USP32: variants seen among roughly 807,000 people sequenced by gnomAD.
USP32 encodes ubiquitin specific peptidase 32.
A neutral mutation model predicts 204.8 loss-of-function variants in USP32; 59 were observed. That is an observed-to-expected ratio of 0.29 (90% CI 0.23 to 0.36). The LOEUF (loss-of-function observed/expected upper bound fraction) is 0.36. Ranked by LOEUF, USP32 falls within the 10% of genes least tolerant of loss-of-function variation. The pLI, the probability that USP32 is intolerant of heterozygous loss-of-function variation, is 1.00. For synonymous variants in USP32, 517 were observed against 678.4 expected (o/e 0.76, Z 3.70); for missense variants, 1,160 against 1,946.4 (o/e 0.60, Z 7.60).
chr17:60,224,882 C>T (rs2085344017), intron 13 of USP32, among the ~76,000 whole-genome samples: 2 of 152,108 alleles, frequency 1.3e-5, no homozygotes, highest in Non-Finnish European at 2.9e-5. Flanking sequence ...CATAGAAATA[C>T]CACAGCATCT....
At chr17:60,266,643 A>C (rs2086599630) in intron 7 of USP32, among the ~76,000 whole-genome samples, 2 of 148,866 alleles carry the variant, frequency 1.3e-5, no homozygotes, top group African/African-American at 5.0e-5. Context: ...AGCACACCAC[A>C]ACACCCAGGT....
intron 1 of USP32, among the ~76,000 whole-genome samples, chr17:60,411,033 A>G (rs1406111853): frequency 6.6e-6 from 1 of 151,990 alleles, no homozygotes; most frequent in Non-Finnish European, 1.5e-5. Context: ...AAAGTTTTTA[A>G]AGTTAGCCAG....
intron 12 of USP32, among the ~76,000 whole-genome samples, chr17:60,229,717 C>G (rs1309621881): frequency 6.6e-6 from 1 of 152,156 alleles, no homozygotes; most frequent in Non-Finnish European, 1.5e-5. Context: ...AATGATGTTT[C>G]AATAACCATC....
chr17:60,279,089 T>G (rs2086903864), intron 5 of USP32, among the ~76,000 whole-genome samples: 1 of 152,216 alleles, frequency 6.6e-6, no homozygotes, highest in Non-Finnish European at 1.5e-5. Context: ...AGAATGTTTA[T>G]GCTCCCTATA....
chr17:60,251,385 A>G (rs2086163860), intron 11 of USP32, among the ~76,000 whole-genome samples: 1 of 152,232 alleles, frequency 6.6e-6, no homozygotes. Flanking sequence ...TGTCCTGTTT[A>G]AATGCTGAAT....
chr17:60,239,321 C>T (rs2085815067), intron 11 of USP32, among the ~76,000 whole-genome samples: 1 of 152,154 alleles, frequency 6.6e-6, no homozygotes, highest in South Asian at 2.1e-4. Context: ...GTGTGGATCA[C>T]TTTGTTTATC....
chr17:60,200,006 C>A (rs190541528), intron 26 of USP32, among the ~76,000 whole-genome samples: 2 of 152,018 alleles, frequency 1.3e-5, no homozygotes, highest in Non-Finnish European at 2.9e-5. Context: ...CCAGCCTGGC[C>A]AATATGGTGA....
intron 1 of USP32, among the ~76,000 whole-genome samples, chr17:60,382,195 C>G (rs888124806): frequency 6.6e-6 from 1 of 152,246 alleles, no homozygotes; most frequent in Non-Finnish European, 1.5e-5. Context: ...TCTGTCAAAA[C>G]TAAGCCCAGA....
intron 1 of USP32, among the ~76,000 whole-genome samples, chr17:60,349,625 T>TAC (rs2088893462): frequency 1.9e-5 from 1 of 52,704 alleles, no homozygotes; most frequent in African/African-American, 2.3e-4. Flanking sequence ...ATATATATAT[T>TAC]ATATATATAT....
At position 60,336,486 on chromosome 17, in the gene USP32, C is replaced by A. The variant is rs933451842; in HGVS notation, c.186+8995G>T. On this transcript the variant is annotated intron_variant, in intron 2 of 33. Coordinates refer to ENST00000300896, the MANE Select transcript of USP32 (RefSeq NM_032582.4). ...ATCCCAGCACTTTGGGAGGCCGAGG[C>A]GGGCGGATCACGAGGTCAAGAGATC... 3.5e-5 allele frequency among the ~76,000 whole-genome samples: 5 copies of A among 141,408 alleles called. 1 individual carries two copies. Among genetic ancestry groups the A allele is most frequent in the Non-Finnish European group, 7.4e-5 (5 of 67,568 alleles). 92.8% of individuals were successfully genotyped at this position (141,408 alleles called of 152,430 possible). A position where few individuals can be genotyped will look rare whatever the true frequency, so the allele number is the denominator to read the frequency against.
intron 14 of USP32, 51 bp downstream of exon 14, chr17:60,223,360 A>T (rs1468258755): frequency 6.6e-7 from 1 of 1,521,334 alleles, no homozygotes; most frequent in African/African-American, 1.4e-5. Flanking sequence ...AATGAAATTT[A>T]TTAATAGCTT....
chr17:60,297,978 CA>C (rs1334398930), intron 3 of USP32, among the ~76,000 whole-genome samples: 1 of 152,146 alleles, frequency 6.6e-6, no homozygotes, highest in African/African-American at 2.4e-5. Flanking sequence ...GACCACTGAC[CA>C]TGGACTGGTT....
intron 1 of USP32, among the ~76,000 whole-genome samples, chr17:60,410,775 C>T (rs1044603523): frequency 1.3e-5 from 2 of 151,978 alleles, no homozygotes; most frequent in South Asian, 2.1e-4. Flanking sequence ...AAGCACATAA[C>T]ATAGGTTAGA....
At position 60,178,640 on chromosome 17, in the gene USP32, T is replaced by C. The variant is rs2084026016; in HGVS notation, c.*615A>G. Among the ~76,000 whole-genome samples, 1 of 152,142 alleles carries C rather than the reference T, an allele frequency of 6.6e-6. No individual in the cohort carries two copies. Among genetic ancestry groups the C allele is most frequent in the Non-Finnish European group, 1.5e-5 (1 of 68,034 alleles). Reference sequence around the variant, plus strand: ...ACTATATGCCCCTGCCACCAATGACTGGTTGTGTCTCAAACATAAATACAA... The same window carrying C: ...ACTATATGCCCCTGCCACCAATGACCGGTTGTGTCTCAAACATAAATACAA... On this transcript the variant is annotated 3_prime_UTR_variant, in exon 34 of 34. Coordinates refer to ENST00000300896, the MANE Select transcript of USP32 (RefSeq NM_032582.4).
chr17:60,181,995 A>C (rs2084124221), intron 31 of USP32, among the ~76,000 whole-genome samples: 1 of 152,254 alleles, frequency 6.6e-6, no homozygotes, highest in African/African-American at 2.4e-5. Flanking sequence ...CTCAGAAAAT[A>C]GCAGAAAGAT....
Position 60,415,829 on chromosome 17 carries a change from G to A in USP32, c.106+6417C>T, listed in dbSNP as rs150753508. On this transcript the variant is annotated intron_variant, in intron 1 of 3. Coordinates refer to the USP32 transcript ENST00000588898. ...GTAATTTTAAGATATGCTTGGTGGT[G>A]TTTTTTTTGTTTATTTGTTTGTTTT... 6.6e-5 allele frequency among the ~76,000 whole-genome samples: 10 copies of A among 151,890 alleles called. No individual in the cohort carries two copies. The East Asian group carries it at 1.9e-3, about 29-fold the overall frequency.
At chr17:60,368,990 G>GTTTTTTTTTTTTT (rs1598293256) in intron 1 of USP32, among the ~76,000 whole-genome samples, 1 of 123,022 alleles carries the variant, frequency 8.1e-6, no homozygotes, top group East Asian at 2.1e-4. Context: ...TTTTTTAAAA[G>GTTTTTTTTTTTTT]ATTTTTTTTT....
intron 12 of USP32, among the ~76,000 whole-genome samples, chr17:60,229,101 G>A (rs1439779486): frequency 6.6e-6 from 1 of 151,276 alleles, no homozygotes; most frequent in Non-Finnish European, 1.5e-5. Context: ...TTTAATACAG[G>A]GTCTTGCTCA....
At chr17:60,298,290 A>G (rs2087489674) in intron 3 of USP32, among the ~76,000 whole-genome samples, 1 of 152,144 alleles carries the variant, frequency 6.6e-6, no homozygotes, top group Non-Finnish European at 1.5e-5. Context: ...TCTCCCTTGC[A>G]CAGTACCTGT....
Sources: gnomAD v4.1 joint callset for allele counts (sites outside exome capture counted in the v4.1 genomes callset) on GRCh38, gnomAD v4.1.1 for gene constraint, MANE v1.5 for transcripts, NCBI Gene and HGNC (gene_info 2026-07-23, HGNC 2026-07-21) for gene names.